The following IDO2 variants were observed in gnomAD, a reference collection of about 807,000 sequenced individuals.
IDO2 encodes the protein indoleamine 2,3-dioxygenase-like 1 protein.
A neutral mutation model predicts 45.1 loss-of-function variants in IDO2; 46 were observed. That is an observed-to-expected ratio of 1.02 (90% CI 0.80 to 1.30). The LOEUF (loss-of-function observed/expected upper bound fraction) is 1.30. IDO2 is among the 50% of genes most tolerant of loss of function. IDO2 has a pLI of 0.00. For missense variants in IDO2, 544 were observed against 491.8 expected (o/e 1.11, Z -1.00); for synonymous variants, 218 against 184.9 (o/e 1.18, Z -1.45).
At chr8:40,006,849 C>A (rs2981144) in intron 9 of IDO2, among the ~76,000 whole-genome samples, 1 of 151,774 alleles carries the variant, frequency 6.6e-6, no homozygotes, top group Non-Finnish European at 1.5e-5. Context: ...TTAGTAGAGA[C>A]GGAGTATTGC....
At position 39,988,419 on chromosome 8, in the gene IDO2, G is replaced by A. The variant is rs143137045; in HGVS notation, c.549+449G>A. Among the ~76,000 whole-genome samples, 174 of 152,264 alleles carry A rather than the reference G, an allele frequency of 1.1e-3. 1 individual carries two copies. The highest frequency in any genetic ancestry group is 3.9e-3 in the African/African-American group (164 of 41,554). ...GATGCAGCTTGTGATCAACTACAGC[G>A]TTAATGCCTTGCCTAAAAATATTTC... On this transcript the variant is annotated intron_variant, in intron 7 of 10. Transcript: ENST00000502986.
At chr8:39,941,306 G>T (rs1241895251) in intron 1 of IDO2, among the ~76,000 whole-genome samples, 1 of 150,428 alleles carries the variant, frequency 6.6e-6, no homozygotes, top group Non-Finnish European at 1.5e-5. Flanking sequence ...AAAATGAGAA[G>T]TAGAAGTAGT....
rs1183007481 is a variant in IDO2 at position 40,015,751 on chromosome 8, G to A, written c.*149G>A. 6.4e-6 allele frequency: 4 copies of A among 628,594 alleles called. No homozygotes were observed. In the East Asian group the frequency reaches 1.1e-4, roughly 17 times the overall value. 38.9% of individuals were successfully genotyped at this position (628,594 alleles called of 1,614,324 possible). On this transcript the variant is annotated 3_prime_UTR_variant, in exon 11 of 11. Transcript: ENST00000502986. Reference sequence around the variant, plus strand: ...TACAGAGCACTATATTCTCCTTGTTGAGAGCTGTTGGCTTCACAAAGGAGA... The same window carrying A: ...TACAGAGCACTATATTCTCCTTGTTAAGAGCTGTTGGCTTCACAAAGGAGA...
intron 8 of IDO2, among the ~76,000 whole-genome samples, chr8:40,000,551 A>G (rs984702394): frequency 6.6e-6 from 1 of 152,230 alleles, no homozygotes; most frequent in African/African-American, 2.4e-5. Flanking sequence ...GGTCATTCAC[A>G]TTGGTCATAT....
chr8:39,979,174 G>A (rs765162157), exon 4 of IDO2: 20 of 1,588,502 alleles, frequency 1.3e-5, no homozygotes, highest in Admixed American at 1.1e-4. Flanking sequence ...AAGGAGAGGC[G>A]CAGCCTGCAG....
chr8:39,981,350 G>A (rs1210895521), intron 4 of IDO2, among the ~76,000 whole-genome samples: 1 of 152,164 alleles, frequency 6.6e-6, no homozygotes, highest in African/African-American at 2.4e-5. Flanking sequence ...GTGAGCCACC[G>A]TGCCCGGCGT....
chr8:39,964,695 C>G (rs978418463), intron 3 of IDO2, among the ~76,000 whole-genome samples: 30 of 152,158 alleles, frequency 2.0e-4, no homozygotes, highest in Admixed American at 1.6e-3. Flanking sequence ...GCAAACTAAA[C>G]AGAGTAATTT....
intron 8 of IDO2, among the ~76,000 whole-genome samples, chr8:40,000,556 T>A (rs1251429543): frequency 6.6e-6 from 1 of 152,202 alleles, no homozygotes; most frequent in Non-Finnish European, 1.5e-5. Context: ...TTCACATTGG[T>A]CATATAGACA....
chr8:39,995,224 TCTCCTTCTCCTTCTC>T (rs1563438222), intron 8 of IDO2: 15 of 80,846 alleles, frequency 1.9e-4, no homozygotes, highest in African/African-American at 8.9e-4. Flanking sequence ...TCCTTCTCCT[TCTCCTTCTCCTTCTC>T]CTTCTCCTTC....
intron 3 of IDO2, among the ~76,000 whole-genome samples, chr8:39,970,764 CTTTT>C (rs766122277): frequency 8.9e-6 from 1 of 112,442 alleles, no homozygotes; most frequent in Non-Finnish European, 1.8e-5. Context: ...CCAACCAGGA[CTTTT>C]TTTTTTTTTT....
intron 7 of IDO2, among the ~76,000 whole-genome samples, chr8:39,989,472 C>T (rs1225909037): frequency 1.3e-5 from 2 of 152,046 alleles, no homozygotes; most frequent in Non-Finnish European, 2.9e-5. Flanking sequence ...GTACTCAGGC[C>T]CTTGGGAGGT....
chr8:39,996,635 C>G (rs574337046), intron 8 of IDO2, among the ~76,000 whole-genome samples: 1 of 151,848 alleles, frequency 6.6e-6, no homozygotes, highest in Non-Finnish European at 1.5e-5. Context: ...TGTCTCCGCA[C>G]ACGAGGAGAA....
At chr8:40,012,807 G>A (rs1802327359) in intron 9 of IDO2, among the ~76,000 whole-genome samples, 1 of 152,106 alleles carries the variant, frequency 6.6e-6, no homozygotes, top group South Asian at 2.1e-4. Context: ...ACAGAGCATG[G>A]CCGGCAGCCC....
chr8:39,966,022 GCTT>G, intron 3 of IDO2, among the ~76,000 whole-genome samples: 1 of 128,834 alleles, frequency 7.8e-6, no homozygotes, highest in Admixed American at 9.4e-5. Flanking sequence ...GGTCTCTATC[GCTT>G]CTTTTTTTTT....
chr8:39,989,778 G>A, exon 8 of IDO2: 6 of 1,605,540 alleles, frequency 3.7e-6, no homozygotes, highest in Non-Finnish European at 5.1e-6. Flanking sequence ...CCTGCTCCAA[G>A]CCCTGCAGCG....
exon 11 of IDO2, chr8:40,015,308 C>T (rs1802370893): frequency 6.2e-7 from 1 of 1,613,756 alleles, no homozygotes; most frequent in Non-Finnish European, 8.5e-7. Flanking sequence ...TCATAGAAGA[C>T]ATCCACTCAG....
chr8:40,010,194 C>T (rs548888097), intron 9 of IDO2, among the ~76,000 whole-genome samples: 1 of 152,232 alleles, frequency 6.6e-6, no homozygotes, highest in African/African-American at 2.4e-5. Context: ...TATTGTGGTC[C>T]AAGAGTGCCA....
At chr8:40,007,265 A>G (rs1028516229) in intron 9 of IDO2, among the ~76,000 whole-genome samples, 1 of 151,974 alleles carries the variant, frequency 6.6e-6, no homozygotes, top group Admixed American at 6.6e-5. Flanking sequence ...AAAATCTACT[A>G]TATTACATTG....
chr8:39,985,314 C>A lies in IDO2; in HGVS notation c.435-194C>A. On this transcript the variant is annotated intron_variant, in intron 5 of 10. Coordinates refer to ENST00000502986, the Ensembl canonical transcript of IDO2. ...GTCGCTCACCCTTTATCACATAGCA[C>A]CCCATAGTCCAGCCACAACTTGCAG... 5.0e-6 allele frequency: 3 copies of A among 603,934 alleles called. No individual in the cohort carries two copies. In the South Asian group the frequency reaches 6.5e-5, roughly 13 times the overall value. 37.4% of individuals were successfully genotyped at this position (603,934 alleles called of 1,614,324 possible).
Sources: allele counts gnomAD v4.1 joint callset (sites outside exome capture counted in the v4.1 genomes callset), GRCh38; gene constraint gnomAD v4.1.1; transcripts MANE v1.5; gene names NCBI Gene and HGNC (gene_info 2026-07-23, HGNC 2026-07-21).